Variants in MYO1B observed in about 807,000 individuals in gnomAD.
MYO1B encodes the protein myosin IB, also known as unconventional myosin-Ib.
Under a neutral mutation model 159.7 loss-of-function variants are expected in MYO1B, and 72 were observed. The observed-to-expected ratio is 0.45, with a 90% CI of 0.37 to 0.55. The LOEUF is 0.55. Ranked by LOEUF, MYO1B falls within the 20% of genes least tolerant of loss-of-function variation. The pLI, the probability that MYO1B is intolerant of heterozygous loss-of-function variation, is 0.00. For synonymous variants in MYO1B, 468 were observed against 473.8 expected (o/e 0.99, Z 0.16); for missense variants, 1,062 against 1,364.8 (o/e 0.78, Z 3.50).
rs557667825 is a variant in MYO1B, at chr2:191,328,021, A to G, written c.252-1914A>G. On this transcript the variant is annotated intron_variant, in intron 3 of 30. Coordinates refer to ENST00000392318, the MANE Select transcript of MYO1B (RefSeq NM_001130158.3). ...TGCTGGCAAATAATTGTAGGAGAACATGATGAGAGAGGGAAGAATGTGATT... is the reference window on the plus strand; with the variant it reads ...TGCTGGCAAATAATTGTAGGAGAACGTGATGAGAGAGGGAAGAATGTGATT... 2.0e-4 allele frequency among the ~76,000 whole-genome samples: 30 copies of G among 152,322 alleles called. No homozygotes were observed. The South Asian group carries it at 5.0e-3, about 25-fold the overall frequency.
chr2:191,318,957 G>A (rs1027586394), intron 3 of MYO1B, among the ~76,000 whole-genome samples: 1 of 152,146 alleles, frequency 6.6e-6, no homozygotes, highest in Non-Finnish European at 1.5e-5. Context: ...TCCAGGGCCA[G>A]GCTCTGACTG....
At chr2:191,279,342 G>A (rs1051460750) in intron 2 of MYO1B, among the ~76,000 whole-genome samples, 2 of 151,744 alleles carry the variant, frequency 1.3e-5, no homozygotes, top group Non-Finnish European at 1.5e-5. Context: ...TAAAAGATGT[G>A]TATGGGGGTT....
intron 13 of MYO1B, among the ~76,000 whole-genome samples, chr2:191,378,579 A>C (rs1242180762): frequency 2.6e-5 from 4 of 152,130 alleles, no homozygotes; most frequent in Non-Finnish European, 5.9e-5. Context: ...TTTTTTGTGG[A>C]TCTTCAGTTG....
chr2:191,252,374 A>G (rs1415513550), intron 1 of MYO1B, among the ~76,000 whole-genome samples: 1 of 152,240 alleles, frequency 6.6e-6, no homozygotes, highest in African/African-American at 2.4e-5. Context: ...AGGAAGGAAA[A>G]TAGAGTTAGA....
At chr2:191,394,585 A>C (rs1400890) in intron 20 of MYO1B, among the ~76,000 whole-genome samples, 148,755 of 152,216 alleles carry the variant, frequency 0.98, 72,769 homozygotes, top group Middle Eastern at 1. Flanking sequence ...ATAATCAGAA[A>C]AATTATAGAC....
chr2:191,299,435 T>A (rs1372520694), intron 3 of MYO1B, among the ~76,000 whole-genome samples: 1 of 152,120 alleles, frequency 6.6e-6, no homozygotes, highest in African/African-American at 2.4e-5. Flanking sequence ...CCTCACCACA[T>A]TCCCTCTCAT....
chr2:191,279,536 A>G (rs1382834939), intron 2 of MYO1B, among the ~76,000 whole-genome samples: 1 of 152,112 alleles, frequency 6.6e-6, no homozygotes, highest in South Asian at 2.1e-4. Flanking sequence ...AAAAAGCTGC[A>G]TGATAAATTT....
Position 191,336,912 on chromosome 2 carries a change from G to C in MYO1B, c.347-4549G>C, listed in dbSNP as rs140544192. On this transcript the variant is annotated intron_variant, in intron 4 of 30. Coordinates refer to ENST00000392318, the MANE Select transcript of MYO1B (RefSeq NM_001130158.3). ...GGTAAAGAAGGAGATAAATAAATGTGTACGAATAAATGTATGGCCCTCTCT... is the reference window on the plus strand; with the variant it reads ...GGTAAAGAAGGAGATAAATAAATGTCTACGAATAAATGTATGGCCCTCTCT... Among the ~76,000 whole-genome samples, 1,346 of 139,830 alleles carry C rather than the reference G, an allele frequency of 9.6e-3. 13 individuals are homozygous for C. Among genetic ancestry groups the C allele is most frequent in the African/African-American group, 0.032 (1,259 of 39,210 alleles). The allele number at this position is 139,830 out of a possible 152,430, so 91.7% of individuals were successfully genotyped here.
At chr2:191,300,639 CTT>C (rs1233709923) in intron 3 of MYO1B, among the ~76,000 whole-genome samples, 3 of 66,912 alleles carry the variant, frequency 4.5e-5, no homozygotes, top group Non-Finnish European at 7.6e-5. Context: ...TGTGCGCAGC[CTT>C]TTTTTTTTTT....
intron 13 of MYO1B, among the ~76,000 whole-genome samples, chr2:191,372,949 C>T (rs1407388473): frequency 5.8e-5 from 7 of 120,184 alleles, no homozygotes; most frequent in South Asian, 2.9e-4. Context: ...TGCAGTGGTG[C>T]GATCTCGGCT....
At chr2:191,392,035 C>T (rs1695785527) in intron 18 of MYO1B, 73 bp from the exon 19 acceptor site, 19 of 1,093,244 alleles carry the variant, frequency 1.7e-5, no homozygotes, top group Non-Finnish European at 2.6e-5. Flanking sequence ...CACTGAGAAC[C>T]TGATACCATG....
chr2:191,400,979 G>A (rs1289914185), intron 23 of MYO1B, 144 bp downstream of exon 23: 1 of 724,374 alleles, frequency 1.4e-6, no homozygotes. Flanking sequence ...AACACACCTG[G>A]AAACATTAGT....
At chr2:191,388,067 T>C (rs1486781185) in intron 17 of MYO1B, 3 of 153,512 alleles carry the variant, frequency 2.0e-5, no homozygotes, top group Admixed American at 1.9e-4. Context: ...GTGGATCACC[T>C]CAGGTCAGGA....
chr2:191,303,425 C>G (rs1383424979), intron 3 of MYO1B, among the ~76,000 whole-genome samples: 1 of 152,166 alleles, frequency 6.6e-6, no homozygotes, highest in African/African-American at 2.4e-5. Flanking sequence ...TACGTCTCCA[C>G]AAATAAGTTG....
At chr2:191,309,198 T>C (rs1477700112) in intron 3 of MYO1B, among the ~76,000 whole-genome samples, 2 of 152,192 alleles carry the variant, frequency 1.3e-5, no homozygotes, top group Non-Finnish European at 2.9e-5. Flanking sequence ...CCCCACTCCC[T>C]CTTCTCTTTC....
At chr2:191,251,701 TA>T in intron 1 of MYO1B, among the ~76,000 whole-genome samples, 1 of 152,374 alleles carries the variant, frequency 6.6e-6, no homozygotes, top group African/African-American at 2.4e-5. Context: ...GCAATATCTT[TA>T]AAGACTTTTT....
Position 191,373,072 on chromosome 2 carries a change from G to A in MYO1B, c.1185+2780G>A, listed in dbSNP as rs768163577. ...TCACCATGTTGGCCAGGATGGTCTC[G>A]ATCTTTTGACTTCATGATCCACCCA... is the stretch of plus-strand genomic sequence containing the variant. On this transcript the variant is annotated intron_variant, in intron 13 of 30. Coordinates refer to ENST00000392318, the MANE Select transcript of MYO1B (RefSeq NM_001130158.3). 9.9e-5 allele frequency among the ~76,000 whole-genome samples: 15 copies of A among 151,670 alleles called. 1 individual carries two copies. Among genetic ancestry groups the A allele is most frequent in the Admixed American group, 2.0e-4 (3 of 15,224 alleles).
At chr2:191,285,237 A>G (rs1170056217) in intron 2 of MYO1B, among the ~76,000 whole-genome samples, 1 of 152,222 alleles carries the variant, frequency 6.6e-6, no homozygotes, top group African/African-American at 2.4e-5. Context: ...ATATGGCAGT[A>G]TTGTATTATC....
chr2:191,380,271 G>T (rs1032662002), intron 13 of MYO1B, among the ~76,000 whole-genome samples: 1 of 152,192 alleles, frequency 6.6e-6, no homozygotes, highest in Non-Finnish European at 1.5e-5. Context: ...ACTTTCAGAA[G>T]ACTCTGTGAC....
Sources: gnomAD v4.1 joint callset for allele counts (sites outside exome capture counted in the v4.1 genomes callset) on GRCh38, gnomAD v4.1.1 for gene constraint, MANE v1.5 for transcripts, NCBI Gene and HGNC (gene_info 2026-07-23, HGNC 2026-07-21) for gene names.